ATAD2B: variants seen among roughly 807,000 people sequenced by gnomAD.
ATAD2B encodes ATPase family AAA domain-containing protein 2B.
ATAD2B carries 40 observed loss-of-function variants against 167.6 expected under a neutral mutation model. The ratio of observed to expected loss-of-function variants is 0.24; its 90% CI spans 0.19 to 0.31. The LOEUF (loss-of-function observed/expected upper bound fraction) is 0.31. ATAD2B is among the 10% of genes least tolerant of loss of function. The pLI is 1.00. For synonymous variants in ATAD2B, 579 were observed against 596.5 expected, an observed-to-expected ratio of 0.97 and a Z score of 0.43; for missense variants, 1,242 against 1,757.2, an observed-to-expected ratio of 0.71 and a Z score of 5.24.
intron 8 of ATAD2B, chr2:23,872,489 G>A (rs1181410273): frequency 1.3e-6 from 1 of 760,620 alleles, no homozygotes; most frequent in East Asian, 2.5e-5. Context: ...TCTTTTACCA[G>A]GTGAGCTATT....
At position 23,769,711 on chromosome 2, in the gene ATAD2B, G is replaced by GATTTTTTTTTTTTTTTT. The variant is rs199842019; in HGVS notation, c.3134-4084_3134-4083insAAAAAAAAAAAAAAAAT. ...AAGTGTTTAATGGTGTCTCACTGTG[G>GATTTTTTTTTTTTTTTT]GTTTTTTTTTTTTTTTTTTTTTGAG... On this transcript the variant is annotated intron_variant, in intron 22 of 27. Transcript: ENST00000238789. Among the ~76,000 whole-genome samples the GATTTTTTTTTTTTTTTT allele has an allele frequency of 1.5e-5, 2 of 129,836 alleles. 1 individual carries two copies. The highest frequency in any genetic ancestry group is 3.3e-5 in the Non-Finnish European group (2 of 60,084). The allele number at this position is 129,836 out of a possible 152,430, so 85.2% of individuals were successfully genotyped here.
At chr2:23,766,066 G>C (rs1464927695) in intron 22 of ATAD2B, among the ~76,000 whole-genome samples, 2 of 151,998 alleles carry the variant, frequency 1.3e-5, no homozygotes, top group African/African-American at 4.8e-5. Flanking sequence ...CTATGCTAAA[G>C]AATACAATAT....
intron 20 of ATAD2B, among the ~76,000 whole-genome samples, chr2:23,787,359 GAA>G (rs1363277817): frequency 6.6e-6 from 1 of 151,838 alleles, no homozygotes; most frequent in African/African-American, 2.4e-5. Context: ...CGTAAACATA[GAA>G]AATTCAGATC....
At chr2:23,705,485 C>T in the ATAD2B span, among the ~76,000 whole-genome samples, 1 of 149,234 alleles carries the variant, frequency 6.7e-6, no homozygotes, top group Non-Finnish European at 1.5e-5. Context: ...AGTATGACTC[C>T]GTCTCAAAAA....
intron 20 of ATAD2B, 148 bp downstream of exon 20, chr2:23,788,364 G>A (rs1231831343): frequency 5.9e-5 from 50 of 847,946 alleles, no homozygotes; most frequent in Non-Finnish European, 8.4e-5. Context: ...TGAACACAAT[G>A]GACACTTCCA....
chr2:23,768,314 G>C (rs888816725), intron 22 of ATAD2B, among the ~76,000 whole-genome samples: 3 of 152,090 alleles, frequency 2.0e-5, no homozygotes, highest in Non-Finnish European at 2.9e-5. Context: ...TAGTAGGACT[G>C]CTTGAGCCCA....
chr2:23,867,717 A>G (rs929913450), intron 10 of ATAD2B, 118 bp downstream of exon 10: 7 of 691,166 alleles, frequency 1.0e-5, no homozygotes, highest in Non-Finnish European at 1.5e-5. Context: ...AAACATATAC[A>G]TCGAAACATT....
chr2:23,799,109 T>C (rs1272476386), intron 18 of ATAD2B, among the ~76,000 whole-genome samples: 3 of 152,220 alleles, frequency 2.0e-5, no homozygotes, highest in Non-Finnish European at 4.4e-5. Context: ...AACAGTTTAA[T>C]ATCCCACCAA....
At chr2:23,897,624 CCTACT>C (rs1184216711) in intron 1 of ATAD2B, among the ~76,000 whole-genome samples, 1 of 152,070 alleles carries the variant, frequency 6.6e-6, no homozygotes, top group African/African-American at 2.4e-5. Flanking sequence ...ATTATAATTT[CCTACT>C]CTATTTATTT....
At chr2:23,900,720 G>A (rs982308698) in intron 1 of ATAD2B, 1 of 152,134 alleles carries the variant, frequency 6.6e-6, no homozygotes, top group African/African-American at 2.4e-5. Flanking sequence ...TCCTGGGAAG[G>A]GCCTGTCTCA....
the ATAD2B span, chr2:23,703,707 C>T: frequency 2.0e-6 from 3 of 1,532,678 alleles, no homozygotes; most frequent in Non-Finnish European, 2.6e-6. Flanking sequence ...GCCTGCTCTG[C>T]TCTCCTCACA....
chr2:23,782,005 G>A (rs925529695), intron 22 of ATAD2B, among the ~76,000 whole-genome samples: 1 of 152,036 alleles, frequency 6.6e-6, no homozygotes, highest in Admixed American at 6.6e-5. Flanking sequence ...TTGTAGAGGC[G>A]AGGTTTTGCC....
Position 23,919,608 on chromosome 2 carries a change from C to T in ATAD2B, c.216+6947G>A, listed in dbSNP as rs142921692. Among the ~76,000 whole-genome samples the T allele has an allele frequency of 7.3e-3, 1,113 of 152,006 alleles. 18 individuals are homozygous for T. The highest frequency in any genetic ancestry group is 0.025 in the African/African-American group (1,049 of 41,448). ...CTGTAATCCCAGCACTTTGAGAGGC[C>T]GAGGCGGGCAAATCACCTAAGGTCA... is the stretch of plus-strand genomic sequence containing the variant. On this transcript the variant is annotated intron_variant, in intron 1 of 27. Transcript: ENST00000238789.
chr2:23,779,179 T>C (rs1046116448), intron 22 of ATAD2B, among the ~76,000 whole-genome samples: 2 of 141,214 alleles, frequency 1.4e-5, no homozygotes, highest in African/African-American at 2.6e-5. Context: ...CTTTTCTTTT[T>C]TTTTTTTTTT....
intron 22 of ATAD2B, among the ~76,000 whole-genome samples, chr2:23,779,284 C>T (rs765085740): frequency 6.0e-5 from 9 of 150,992 alleles, no homozygotes; most frequent in Non-Finnish European, 1.2e-4. Context: ...CATGCTATTC[C>T]CCTGCCTCAG....
chr2:23,684,897 C>G, the ATAD2B span, among the ~76,000 whole-genome samples: 2 of 152,094 alleles, frequency 1.3e-5, no homozygotes, highest in African/African-American at 2.4e-5. This position sits in a 1 kb window ranked among gnomAD's most constrained non-coding sequence, Gnocchi z 4.4. Context: ...TTTAAGGGAT[C>G]ACTACACACT....
At chr2:23,821,006 T>G (rs1315990422) in intron 16 of ATAD2B, among the ~76,000 whole-genome samples, 3 of 152,162 alleles carry the variant, frequency 2.0e-5, no homozygotes, top group Admixed American at 6.6e-5. Context: ...GGGAAATAAC[T>G]GAGTATCTTT....
In ATAD2B at chr2:23,754,289, C is replaced by A; in HGVS notation, c.4225G>T (p.Val1409Leu). Reference sequence around the variant, plus strand: ...ACTGCCAGATTGTTGCTTTTATCCACCAACAAATCAAGCAATTTCTAAGAA... The same window carrying A: ...ACTGCCAGATTGTTGCTTTTATCCAACAACAAATCAAGCAATTTCTAAGAA... ...ERLKKLLDLL[V>L]DKSNNLAVDQ... The change falls in exon 27 of 28, where the codon GTG becomes TTG. Residue 1409 changes from valine (V) to leucine (L), a missense_variant. Physicochemically the swap from Val to Leu is conservative, Grantham distance 32. Coordinates refer to ENST00000238789, the MANE Select transcript of ATAD2B (RefSeq NM_017552.4). 1 of 1,554,214 alleles carries A rather than the reference C, an allele frequency of 6.4e-7. No individual in the cohort carries two copies. The highest frequency in any genetic ancestry group is 8.7e-7 in the Non-Finnish European group (1 of 1,152,072).
intron 7 of ATAD2B, among the ~76,000 whole-genome samples, chr2:23,878,026 A>AAAAAAAAAAAAAAAAAAG (rs1553440562): frequency 7.7e-6 from 1 of 129,328 alleles, no homozygotes. Flanking sequence ...AAAAAAAAAA[A>AAAAAAAAAAAAAAAAAAG]AAAAAAAAAA....
Sources: gnomAD v4.1 joint callset for allele counts (sites outside exome capture counted in the v4.1 genomes callset) on GRCh38, gnomAD v4.1.1 for gene constraint, Gnocchi (gnomAD v3.1) non-coding constraint, MANE v1.5 for transcripts, NCBI Gene and HGNC (gene_info 2026-07-23, HGNC 2026-07-21) for gene names.